CERS6: variants seen among roughly 807,000 people sequenced by gnomAD.
The protein encoded by CERS6 is ceramide synthase 6.
A neutral mutation model predicts 56.8 loss-of-function variants in CERS6; 26 were observed. The ratio of observed to expected loss-of-function variants is 0.46; its 90% CI spans 0.34 to 0.63. The LOEUF is 0.63. Ranked by LOEUF, CERS6 falls within the 30% of genes least tolerant of loss-of-function variation. CERS6 has a pLI of 0.01. For synonymous variants in CERS6, 164 were observed against 173.3 expected (o/e 0.95, Z 0.42); for missense variants, 415 against 467.5 (o/e 0.89, Z 1.04).
chr2:168,722,002 C>T (rs1683189050), intron 8 of CERS6, among the ~76,000 whole-genome samples: 2 of 152,064 alleles, frequency 1.3e-5, no homozygotes. Context: ...TACTTCCTTG[C>T]CAACACTTAC....
At chr2:168,593,292 T>C (rs1683718369) in intron 3 of CERS6, among the ~76,000 whole-genome samples, 1 of 152,198 alleles carries the variant, frequency 6.6e-6, no homozygotes, top group Admixed American at 6.5e-5. Context: ...GATTAGGATG[T>C]GGATATATTG....
intron 4 of CERS6, among the ~76,000 whole-genome samples, chr2:168,656,594 G>A (rs950006919): frequency 3.3e-5 from 5 of 151,860 alleles, no homozygotes; most frequent in Admixed American, 6.6e-5. Flanking sequence ...CGGTGGGCTC[G>A]TGGTCTTGCT....
intron 1 of CERS6, among the ~76,000 whole-genome samples, chr2:168,540,177 T>G (rs936820028): frequency 6.6e-6 from 1 of 152,014 alleles, no homozygotes; most frequent in African/African-American, 2.4e-5. Flanking sequence ...CCGCTTCCAG[T>G]ATAGTCATGA....
At chr2:168,620,669 T>C (rs1684448545) in intron 3 of CERS6, among the ~76,000 whole-genome samples, 1 of 152,192 alleles carries the variant, frequency 6.6e-6, no homozygotes, top group African/African-American at 2.4e-5. Flanking sequence ...GAAGTTCTGT[T>C]ACTCAGTCTC....
chr2:168,524,159 T>C (rs990596638), intron 1 of CERS6, among the ~76,000 whole-genome samples: 1 of 152,172 alleles, frequency 6.6e-6, no homozygotes, highest in African/African-American at 2.4e-5. Context: ...AAGCAGGTAG[T>C]GTGTTTTATG....
chr2:168,580,817 C>G (rs1683389890), intron 3 of CERS6, among the ~76,000 whole-genome samples: 1 of 152,052 alleles, frequency 6.6e-6, no homozygotes, highest in African/African-American at 2.4e-5. Context: ...ATGATTATAT[C>G]ATCGCACTGT....
At chr2:168,629,754 A>C (rs1007162356) in intron 3 of CERS6, among the ~76,000 whole-genome samples, 8 of 152,046 alleles carry the variant, frequency 5.3e-5, no homozygotes, top group Admixed American at 5.2e-4. Context: ...ACTTGTTATC[A>C]CTCTCACCCA....
intron 8 of CERS6, among the ~76,000 whole-genome samples, chr2:168,745,484 G>A (rs572299241): frequency 1.3e-5 from 2 of 152,020 alleles, no homozygotes; most frequent in African/African-American, 4.8e-5. Context: ...CTTGTGATCC[G>A]CCCATCTCGG....
chr2:168,631,864 A>G (rs930758230), intron 4 of CERS6, among the ~76,000 whole-genome samples: 2 of 132,530 alleles, frequency 1.5e-5, no homozygotes, highest in Non-Finnish European at 3.1e-5. Context: ...TATATTATAC[A>G]TTTATTATGT....
chr2:168,695,108 C>G, intron 6 of CERS6, 57 bp downstream of exon 6: 6 of 1,416,526 alleles, frequency 4.2e-6, no homozygotes, highest in South Asian at 1.2e-5. Flanking sequence ...TGGCCCTTAG[C>G]AGGTGGGTTT....
chr2:168,715,185 A>G, intron 7 of CERS6, 56 bp downstream of exon 7: 3 of 1,514,732 alleles, frequency 2.0e-6, no homozygotes, highest in Non-Finnish European at 9.0e-7. Context: ...GGAAGTCCCC[A>G]ATCTCATTAG....
chr2:168,643,626 A>C (rs946493734), intron 4 of CERS6, among the ~76,000 whole-genome samples: 2 of 152,182 alleles, frequency 1.3e-5, no homozygotes, highest in Non-Finnish European at 2.9e-5. Flanking sequence ...TCTTGATACC[A>C]GTTGATCATT....
intron 1 of CERS6, among the ~76,000 whole-genome samples, chr2:168,535,255 A>G (rs1303974276): frequency 6.6e-6 from 1 of 152,216 alleles, no homozygotes. Flanking sequence ...CTGGGAGCTC[A>G]GTAGTCTTAA....
In CERS6 at chr2:168,769,095, C is replaced by T. The variant is rs372848214; in HGVS notation, c.1003-415C>T. Among the ~76,000 whole-genome samples, 17 of 151,716 alleles carry T rather than the reference C, an allele frequency of 1.1e-4. 1 individual carries two copies. The highest frequency in any genetic ancestry group is 4.6e-4 in the Admixed American group (7 of 15,250). ...TCTGAGTTAGTGACTATCTCCATTG[C>T]TATGGTTAATTGAGAGCTGATTTTA... is the stretch of plus-strand genomic sequence containing the variant. On this transcript the variant is annotated intron_variant, in intron 9 of 9. Coordinates refer to ENST00000305747, the MANE Select transcript of CERS6 (RefSeq NM_203463.3).
At chr2:168,729,045 G>A (rs915940870) in intron 8 of CERS6, among the ~76,000 whole-genome samples, 10 of 148,170 alleles carry the variant, frequency 6.7e-5, no homozygotes, top group African/African-American at 1.2e-4. Context: ...CATTGTCCTA[G>A]TAACGCTCTC....
rs757580087 is a variant in CERS6 at position 168,771,286 on chromosome 2, G to T, written c.*1624G>T. ...TTTTGCCCACAATTTGCAATCTGTGGGTTAATAGTTAAAAGAATGTTCCCA... is the reference window on the plus strand; with the variant it reads ...TTTTGCCCACAATTTGCAATCTGTGTGTTAATAGTTAAAAGAATGTTCCCA... On this transcript the variant is annotated 3_prime_UTR_variant, in exon 10 of 10. Transcript: ENST00000305747. 2 of 152,040 alleles carry T rather than the reference G, an allele frequency of 1.3e-5. No individual in the cohort carries two copies. Among genetic ancestry groups the T allele is most frequent in the Non-Finnish European group, 2.9e-5 (2 of 68,016 alleles). The allele number at this position is 152,040 out of a possible 1,614,324, so 9.4% of individuals were successfully genotyped here.
chr2:168,456,590 A>G lies in CERS6; in HGVS notation c.142A>G (p.Ile48Val), dbSNP rs1185459083. ...LYLAFPLAFCIFMVRLIFERF... is the reference protein window; with the variant it reads ...LYLAFPLAFCVFMVRLIFERF... ...TCTCGCTTTTCCCCTGGCCTTCTGT[A>G]TCTTCATGGTGCGGCTCATCTTCGA... is the stretch of plus-strand genomic sequence containing the variant. The change falls in exon 1 of 10, where the codon ATC becomes GTC. Residue 48 changes from isoleucine to valine, a missense_variant. By Grantham distance (29) the Ile-to-Val change is conservative (BLOSUM62 3). Transcript: ENST00000305747. The surrounding 1 kb of genome is among the most constrained non-coding windows in gnomAD (Gnocchi z 4.1). The G allele has an allele frequency of 1.9e-6, 3 of 1,613,584 alleles. No homozygotes were observed. Among genetic ancestry groups the G allele is most frequent in the Non-Finnish European group, 2.5e-6 (3 of 1,179,762 alleles).
Position 168,648,071 on chromosome 2 carries a change from T to C in CERS6, c.465+17029T>C, listed in dbSNP as rs573985174. Among the ~76,000 whole-genome samples the C allele has an allele frequency of 1.1e-3, 162 of 152,288 alleles. 1 individual carries two copies. The highest frequency in any genetic ancestry group is 3.6e-3 in the African/African-American group (151 of 41,576). ...GTTTCTCCTCCTCGATTTTTTGGTA[T>C]AGTTTCTGTAGGAACGGTACCAACT... On this transcript the variant is annotated intron_variant, in intron 4 of 9. Coordinates refer to ENST00000305747, the MANE Select transcript of CERS6 (RefSeq NM_203463.3).
chr2:168,550,507 A>G (rs1695546967), intron 2 of CERS6, among the ~76,000 whole-genome samples: 1 of 152,102 alleles, frequency 6.6e-6, no homozygotes, highest in African/African-American at 2.4e-5. Flanking sequence ...GTGTAATGTC[A>G]TGTTCCCTAA....
Sources: allele counts gnomAD v4.1 joint callset (sites outside exome capture counted in the v4.1 genomes callset), GRCh38; gene constraint gnomAD v4.1.1; non-coding constraint Gnocchi (gnomAD v3.1); transcripts MANE v1.5; gene names NCBI Gene and HGNC (gene_info 2026-07-23, HGNC 2026-07-21).